Variants in SMAP1 observed in about 807,000 individuals in gnomAD.
The protein encoded by SMAP1 is stromal membrane-associated protein 1.
A neutral mutation model predicts 58.5 loss-of-function variants in SMAP1; 24 were observed. The ratio of observed to expected loss-of-function variants is 0.41; its 90% CI spans 0.30 to 0.58. The LOEUF (loss-of-function observed/expected upper bound fraction) is 0.58. Ranked by LOEUF, SMAP1 falls within the 20% of genes least tolerant of loss-of-function variation. SMAP1 has a pLI of 0.29. For missense variants in SMAP1, 563 were observed against 566.3 expected (o/e 0.99, Z 0.06); for synonymous variants, 216 against 196.6 (o/e 1.10, Z -0.82).
chr6:70,717,852 C>T (rs1582053352), intron 1 of SMAP1, among the ~76,000 whole-genome samples: 1 of 152,086 alleles, frequency 6.6e-6, no homozygotes, highest in Non-Finnish European at 1.5e-5. Flanking sequence ...GGTATATTCT[C>T]TTAGAAGATT....
At chr6:70,814,434 T>C (rs964236441) in intron 6 of SMAP1, among the ~76,000 whole-genome samples, 2 of 152,198 alleles carry the variant, frequency 1.3e-5, no homozygotes, top group Non-Finnish European at 2.9e-5. Context: ...TTATAGAGAC[T>C]ACTATGCAGC....
chr6:70,793,650 G>C (rs1360703607), intron 5 of SMAP1, among the ~76,000 whole-genome samples: 1 of 150,798 alleles, frequency 6.6e-6, no homozygotes, highest in Admixed American at 6.6e-5. Flanking sequence ...TAGTTAGAGA[G>C]AGAGAGAGAG....
intron 4 of SMAP1, among the ~76,000 whole-genome samples, chr6:70,781,560 G>A (rs1201392288): frequency 6.6e-6 from 1 of 152,152 alleles, no homozygotes; most frequent in East Asian, 1.9e-4. Flanking sequence ...AACACATCCA[G>A]GAATTTCTAA....
chr6:70,852,431 C>T, intron 7 of SMAP1, 109 bp from the exon 8 acceptor site: 1 of 1,145,016 alleles, frequency 8.7e-7, no homozygotes, highest in Non-Finnish European at 1.1e-6. Context: ...GTTTTACCAA[C>T]TTTTGAACTG....
intron 4 of SMAP1, among the ~76,000 whole-genome samples, chr6:70,785,713 A>G (rs1372010837): frequency 6.6e-6 from 1 of 152,258 alleles, no homozygotes; most frequent in Non-Finnish European, 1.5e-5. Context: ...AGAAATGGAT[A>G]AATTCCTCGA....
chr6:70,854,799 C>A (rs1771334706), intron 8 of SMAP1, among the ~76,000 whole-genome samples: 1 of 152,070 alleles, frequency 6.6e-6, no homozygotes, highest in Non-Finnish European at 1.5e-5. Context: ...TTGAATTCTT[C>A]TGAACCCTGT....
At chr6:70,770,099 A>G (rs1228984069) in intron 3 of SMAP1, among the ~76,000 whole-genome samples, 2 of 151,656 alleles carry the variant, frequency 1.3e-5, no homozygotes, top group Non-Finnish European at 2.9e-5. Flanking sequence ...TGGCTTGTAG[A>G]GTTTCTGCCG....
chr6:70,687,557 A>G (rs1047226204), intron 1 of SMAP1, among the ~76,000 whole-genome samples: 6 of 152,178 alleles, frequency 3.9e-5, no homozygotes, highest in African/African-American at 1.2e-4. Flanking sequence ...AGTTGAGATA[A>G]TAGCTTCTTT....
chr6:70,781,193 A>G (rs570879688), intron 4 of SMAP1, among the ~76,000 whole-genome samples: 1 of 152,280 alleles, frequency 6.6e-6, no homozygotes, highest in African/African-American at 2.4e-5. Flanking sequence ...AGTTTTCCAG[A>G]ATTCTACATA....
At chr6:70,804,636 A>G (rs1345728421) in intron 6 of SMAP1, among the ~76,000 whole-genome samples, 20 of 152,050 alleles carry the variant, frequency 1.3e-4, no homozygotes, top group Admixed American at 1.2e-3. Context: ...GGCTGGTACC[A>G]GTTGTTCCTT....
At chr6:70,718,984 T>C (rs1439084042) in intron 1 of SMAP1, among the ~76,000 whole-genome samples, 2 of 152,174 alleles carry the variant, frequency 1.3e-5, no homozygotes, top group Non-Finnish European at 2.9e-5. Context: ...AAAAAGATTA[T>C]TATAAAAACA....
At chr6:70,840,316 T>C (rs1770754437) in intron 7 of SMAP1, among the ~76,000 whole-genome samples, 1 of 152,220 alleles carries the variant, frequency 6.6e-6, no homozygotes, top group Admixed American at 6.5e-5. Context: ...ACTTACTTTC[T>C]TTTGTGTAAC....
chr6:70,857,038 A>G lies in SMAP1; in HGVS notation c.961+8A>G. The G allele has an allele frequency of 6.3e-7, 1 of 1,593,078 alleles. No individual in the cohort carries two copies. The highest frequency in any genetic ancestry group is 8.6e-7 in the Non-Finnish European group (1 of 1,169,458). ...AACAGCAAAGTACTCCTGGTAATGA[A>G]TTTTGATATCTGCTTTCAGTGACAT... On this transcript the variant is annotated splice_region_variant and intron_variant, in intron 9 of 10. Transcript: ENST00000370455.
chr6:70,773,058 T>C (rs949408974), intron 3 of SMAP1: 1 of 297,318 alleles, frequency 3.4e-6, no homozygotes, highest in Non-Finnish European at 6.2e-6. Flanking sequence ...AGTGTGGTGA[T>C]GCATTGATAG....
intron 4 of SMAP1, among the ~76,000 whole-genome samples, chr6:70,787,975 G>A (rs558222532): frequency 4.1e-4 from 63 of 152,090 alleles, no homozygotes; most frequent in Admixed American, 1.2e-3. Context: ...ACTATAAATC[G>A]TGCTACTATA....
At chr6:70,729,174 T>C (rs938545856) in intron 1 of SMAP1, among the ~76,000 whole-genome samples, 2 of 152,200 alleles carry the variant, frequency 1.3e-5, no homozygotes, top group Admixed American at 6.5e-5. Context: ...GCGTGATGGC[T>C]CATGCCTGTA....
chr6:70,695,105 A>G (rs1385442186), intron 1 of SMAP1, among the ~76,000 whole-genome samples: 2 of 152,220 alleles, frequency 1.3e-5, no homozygotes, highest in African/African-American at 4.8e-5. Flanking sequence ...CTCTTGACGT[A>G]GAAATGCTAC....
At chr6:70,672,983 A>G (rs567019648) in intron 1 of SMAP1, among the ~76,000 whole-genome samples, 38 of 152,210 alleles carry the variant, frequency 2.5e-4, no homozygotes, top group African/African-American at 8.9e-4. Flanking sequence ...CAGAGGAAGA[A>G]CTGGGATAGT....
chr6:70,784,273 G>C (rs1767901456), intron 4 of SMAP1, among the ~76,000 whole-genome samples: 1 of 151,814 alleles, frequency 6.6e-6, no homozygotes, highest in Non-Finnish European at 1.5e-5. Flanking sequence ...GTCACCACCA[G>C]GCCTGCCCTA....
Sources: gnomAD v4.1 joint callset for allele counts (sites outside exome capture counted in the v4.1 genomes callset) on GRCh38, gnomAD v4.1.1 for gene constraint, MANE v1.5 for transcripts, NCBI Gene and HGNC (gene_info 2026-07-23, HGNC 2026-07-21) for gene names.